TTC29: variants seen among roughly 807,000 people sequenced by gnomAD.
The protein encoded by TTC29 is tetratricopeptide repeat protein 29.
In TTC29, 49 loss-of-function variants were observed where a neutral mutation model predicts 58.1. The observed-to-expected ratio is 0.84, with a 90% CI of 0.67 to 1.07. The LOEUF (loss-of-function observed/expected upper bound fraction) is 1.07, where lower values mean the gene tolerates loss of function less well. Ranked by LOEUF, TTC29 falls within the 50% of genes least tolerant of loss-of-function variation. The probability of loss-of-function intolerance (pLI) is 0.00; values close to 1 mark genes in which losing one functional copy is unlikely to be tolerated. For synonymous variants in TTC29, 209 were observed against 196.8 expected, an observed-to-expected ratio of 1.06 and a Z score of -0.52; for missense variants, 582 against 555.6, an observed-to-expected ratio of 1.05 and a Z score of -0.48.
intron 2 of TTC29, among the ~76,000 whole-genome samples, chr4:146,941,113 T>C (rs143799914): frequency 2.0e-5 from 3 of 152,232 alleles, no homozygotes; most frequent in South Asian, 4.1e-4. Flanking sequence ...GAACTTAGAA[T>C]AGAAAAATTG....
At chr4:146,766,030 G>T (rs1253267723) in intron 11 of TTC29, among the ~76,000 whole-genome samples, 1 of 151,994 alleles carries the variant, frequency 6.6e-6, no homozygotes, top group Non-Finnish European at 1.5e-5. Context: ...AAGTAAATCT[G>T]GGAAGCAGAG....
Position 146,909,087 on chromosome 4 carries a change from C to T in TTC29, c.339G>A (p.Gln113=), listed in dbSNP as rs1429419182. 8 of 1,613,962 alleles carry T rather than the reference C, an allele frequency of 5.0e-6. No individual in the cohort carries two copies. Among genetic ancestry groups the T allele is most frequent in the Non-Finnish European group, 6.8e-6 (8 of 1,179,864 alleles). The change falls in exon 5 of 13, where the codon CAG becomes CAA. Residue 113 remains glutamine, a synonymous_variant. Coordinates refer to ENST00000325106, the MANE Select transcript of TTC29 (RefSeq NM_031956.4). ...LFWLQKPLEE[Q]PDKLDYLYHY... is the part of the protein sequence containing the mutation. ...GGTACAGGTAATCCAGTTTATCAGGCTGCTCCTCCAGGGGCTTCTGCAGCC... is the reference window on the plus strand; with the variant it reads ...GGTACAGGTAATCCAGTTTATCAGGTTGCTCCTCCAGGGGCTTCTGCAGCC...
chr4:146,832,512 T>C (rs772545553), intron 9 of TTC29, among the ~76,000 whole-genome samples: 1 of 152,128 alleles, frequency 6.6e-6, no homozygotes, highest in Non-Finnish European at 1.5e-5. Context: ...ACAGTTTCGC[T>C]CTTGATGCCC....
intron 11 of TTC29, among the ~76,000 whole-genome samples, chr4:146,778,015 A>G (rs1303905023): frequency 6.6e-6 from 1 of 152,216 alleles, no homozygotes; most frequent in Non-Finnish European, 1.5e-5. Flanking sequence ...TGGCTACTGA[A>G]TATCTCAATG....
intron 11 of TTC29, among the ~76,000 whole-genome samples, chr4:146,744,932 A>G (rs1745432229): frequency 6.6e-6 from 1 of 152,228 alleles, no homozygotes; most frequent in East Asian, 1.9e-4. Context: ...CTCACCTTCC[A>G]ATATCTTAGG....
chr4:146,790,677 C>A (rs1297895986), intron 11 of TTC29, among the ~76,000 whole-genome samples: 1 of 152,192 alleles, frequency 6.6e-6, no homozygotes, highest in Non-Finnish European at 1.5e-5. Flanking sequence ...CAGATACTCA[C>A]CTCCAGCTTC....
chr4:146,773,396 A>G (rs1238852417), intron 11 of TTC29, among the ~76,000 whole-genome samples: 1 of 152,138 alleles, frequency 6.6e-6, no homozygotes, highest in Non-Finnish European at 1.5e-5. Context: ...TGTTCCTTCA[A>G]TGCCCAGTTT....
At chr4:146,909,896 C>A (rs1166189327) in intron 4 of TTC29, among the ~76,000 whole-genome samples, 1 of 151,962 alleles carries the variant, frequency 6.6e-6, no homozygotes, top group African/African-American at 2.4e-5. Flanking sequence ...TGTTCTAGAC[C>A]AAATAGATTC....
At chr4:146,846,893 C>T (rs17022031) in intron 8 of TTC29, among the ~76,000 whole-genome samples, 9,525 of 152,194 alleles carry the variant, frequency 0.063, 419 homozygotes, top group Admixed American at 0.13. Context: ...TTGAGCATAT[C>T]CTGTCTGTAC....
At chr4:146,725,175 T>C (rs1050601192) in intron 11 of TTC29, among the ~76,000 whole-genome samples, 6 of 152,202 alleles carry the variant, frequency 3.9e-5, no homozygotes, top group African/African-American at 1.4e-4. Flanking sequence ...AAAGGCATTA[T>C]ATAAACTATA....
chr4:146,793,973 C>G (rs575914360), intron 11 of TTC29, among the ~76,000 whole-genome samples: 32 of 152,230 alleles, frequency 2.1e-4, no homozygotes, highest in Non-Finnish European at 4.1e-4. Context: ...ATTTAAGCAT[C>G]CACTTGGATT....
intron 11 of TTC29, among the ~76,000 whole-genome samples, chr4:146,803,202 GA>G (rs147322093): frequency 2.4e-4 from 35 of 145,170 alleles, no homozygotes; most frequent in Middle Eastern, 3.5e-3. Context: ...GATAACTGGT[GA>G]AAAAAAAAAC....
intron 6 of TTC29, among the ~76,000 whole-genome samples, chr4:146,884,374 GTAGT>G (rs1190976199): frequency 3.3e-5 from 5 of 152,210 alleles, no homozygotes; most frequent in Non-Finnish European, 7.4e-5. Flanking sequence ...GCAGTGGGAA[GTAGT>G]TAGCCTCTAA....
intron 4 of TTC29, among the ~76,000 whole-genome samples, chr4:146,925,603 T>G (rs1487423878): frequency 6.6e-6 from 1 of 152,200 alleles, no homozygotes; most frequent in Non-Finnish European, 1.5e-5. Flanking sequence ...TCATTTATCT[T>G]GACCTTGACA....
At chr4:146,919,785 T>A (rs577104005) in intron 4 of TTC29, among the ~76,000 whole-genome samples, 1 of 151,294 alleles carries the variant, frequency 6.6e-6, no homozygotes, top group Non-Finnish European at 1.5e-5. Flanking sequence ...ATAAAAGAAC[T>A]ATCAACTTCC....
intron 8 of TTC29, among the ~76,000 whole-genome samples, chr4:146,865,563 A>T (rs1290627642): frequency 1.3e-5 from 2 of 152,190 alleles, no homozygotes; most frequent in Non-Finnish European, 2.9e-5. Context: ...TACTATGCTC[A>T]CTATCTGGGT....
chr4:146,833,918 T>C (rs2150158215), intron 8 of TTC29, 21 bp from the exon 9 acceptor site: 2 of 1,518,982 alleles, frequency 1.3e-6, no homozygotes, highest in East Asian at 4.5e-5. Context: ...GAGAAATACA[T>C]ATTGAACATA....
At chr4:146,784,729 G>T (rs2150092767) in intron 11 of TTC29, among the ~76,000 whole-genome samples, 1 of 152,212 alleles carries the variant, frequency 6.6e-6, no homozygotes, top group Admixed American at 6.5e-5. Context: ...CTGTTTATAA[G>T]TTACCCAATT....
chr4:146,836,933 T>C (rs186562520), intron 8 of TTC29, among the ~76,000 whole-genome samples: 2 of 152,196 alleles, frequency 1.3e-5, no homozygotes, highest in East Asian at 3.9e-4. Flanking sequence ...GAAAACAGTG[T>C]GGTGATTCCT....
Sources: gnomAD v4.1 joint callset for allele counts (sites outside exome capture counted in the v4.1 genomes callset) on GRCh38, gnomAD v4.1.1 for gene constraint, MANE v1.5 for transcripts, NCBI Gene and HGNC (gene_info 2026-07-23, HGNC 2026-07-21) for gene names.